Variants in SRSF12 observed in about 807,000 individuals in gnomAD.
The protein encoded by SRSF12 is serine/arginine-rich splicing factor 12.
In SRSF12, 21 loss-of-function variants were observed where a neutral mutation model predicts 34.1. The ratio of observed to expected loss-of-function variants is 0.62; its 90% CI spans 0.44 to 0.89. The LOEUF is 0.89. Among genes scored for constraint, SRSF12 ranks in the 40% least tolerant of loss-of-function variants. The pLI, the probability that SRSF12 is intolerant of heterozygous loss-of-function variation, is 0.00. For missense variants in SRSF12, 278 were observed against 327.8 expected (o/e 0.85, Z 1.17); for synonymous variants, 111 against 110.8 (o/e 1.00, Z -0.01).
In SRSF12 at chr6:89,105,324, T is replaced by G. The variant is rs572692304; in HGVS notation, c.275-64A>C. ...ACCTGAACACCACAGTAACAACCAC[T>G]CAACTAGCAATCATTTACTGAAAGA... is the stretch of plus-strand genomic sequence containing the variant. On this transcript the variant is annotated intron_variant, in intron 3 of 4. Coordinates refer to ENST00000452027, the MANE Select transcript of SRSF12 (RefSeq NM_080743.5). 4.5e-6 allele frequency: 7 copies of G among 1,566,766 alleles called. No individual in the cohort carries two copies. In the Admixed American group the frequency reaches 1.3e-4, roughly 29 times the overall value.
At chr6:89,116,777 AAAAAAAAAAAAAACT>A (rs1336935983) in intron 1 of SRSF12, among the ~76,000 whole-genome samples, 2 of 147,040 alleles carry the variant, frequency 1.4e-5, no homozygotes, top group African/African-American at 2.6e-5. Flanking sequence ...CTTTGTCTAA[AAAAAAAAAAAAAACT>A]AAAAAATAAA....
intron 1 of SRSF12, among the ~76,000 whole-genome samples, chr6:89,109,879 C>T (rs1042853310): frequency 6.6e-6 from 1 of 152,142 alleles, no homozygotes; most frequent in Admixed American, 6.5e-5. Flanking sequence ...ATTACGAGGT[C>T]AGGAGATCGA....
At chr6:89,105,354 TA>T in intron 3 of SRSF12, 72 bp downstream of exon 3, 1 of 1,561,982 alleles carries the variant, frequency 6.4e-7, no homozygotes, top group Non-Finnish European at 8.7e-7. Context: ...GAAAGAATTT[TA>T]AATTAAAAAA....
At chr6:89,113,467 C>G (rs972238829) in intron 1 of SRSF12, among the ~76,000 whole-genome samples, 11 of 151,986 alleles carry the variant, frequency 7.2e-5, no homozygotes, top group Non-Finnish European at 1.3e-4. Flanking sequence ...CCACCGCACC[C>G]AGCCCAATTT....
At chr6:89,099,036 A>G in intron 4 of SRSF12, 89 bp from the exon 5 acceptor site, 2 of 1,414,392 alleles carry the variant, frequency 1.4e-6, no homozygotes, top group Non-Finnish European at 1.9e-6. Context: ...TACTTTACAT[A>G]ACATTAGTTA....
intron 1 of SRSF12, among the ~76,000 whole-genome samples, chr6:89,108,439 G>A (rs1768893167): frequency 6.6e-6 from 1 of 152,178 alleles, no homozygotes; most frequent in Non-Finnish European, 1.5e-5. Flanking sequence ...ACCTATCTAA[G>A]CTCACTGAGC....
At chr6:89,105,022 C>T in intron 4 of SRSF12, 97 bp downstream of exon 4, 2 of 1,261,204 alleles carry the variant, frequency 1.6e-6, no homozygotes, top group Non-Finnish European at 2.1e-6. Flanking sequence ...CACACTACTG[C>T]ACTCCAGCCT....
chr6:89,102,571 T>A (rs1195424719), intron 4 of SRSF12, among the ~76,000 whole-genome samples: 1 of 152,054 alleles, frequency 6.6e-6, no homozygotes, highest in Non-Finnish European at 1.5e-5. Context: ...GAAGAAAATG[T>A]CCTTGAAAAA....
At chr6:89,115,471 G>C (rs1436395698) in intron 1 of SRSF12, among the ~76,000 whole-genome samples, 1 of 151,658 alleles carries the variant, frequency 6.6e-6, no homozygotes, top group African/African-American at 2.4e-5. Flanking sequence ...TAGTACAGAC[G>C]GGGTTTCACC....
intron 1 of SRSF12, among the ~76,000 whole-genome samples, chr6:89,112,735 C>G (rs55650046): frequency 1.3e-5 from 2 of 151,978 alleles, no homozygotes; most frequent in African/African-American, 4.8e-5. Context: ...CCATATATAG[C>G]TTTTTCCTTT....
intron 1 of SRSF12, among the ~76,000 whole-genome samples, chr6:89,116,601 C>T (rs1769304662): frequency 6.6e-6 from 1 of 151,960 alleles, no homozygotes; most frequent in South Asian, 2.1e-4. Context: ...ATAATGAAAC[C>T]TCATCTCTAC....
In SRSF12 at chr6:89,098,323, T is replaced by C. The variant is rs527730403; in HGVS notation, c.*255A>G. On this transcript the variant is annotated 3_prime_UTR_variant, in exon 5 of 5. Transcript: ENST00000452027. ...CAGTTTACTCATTTCCCTTGAAAAG[T>C]ACCCTTCTGCCACAATGTAAATAAA... 5 of 335,286 alleles carry C rather than the reference T, an allele frequency of 1.5e-5. No individual in the cohort carries two copies. In the East Asian group the frequency reaches 3.0e-4, roughly 20 times the overall value. 20.8% of individuals were successfully genotyped at this position (335,286 alleles called of 1,614,324 possible).
In SRSF12 at chr6:89,099,855, G is replaced by T. The variant is rs927265409; in HGVS notation, c.417-908C>A. Among the ~76,000 whole-genome samples the T allele has an allele frequency of 2.0e-5, 3 of 152,028 alleles. No homozygotes were observed. In the South Asian group the frequency reaches 6.2e-4, roughly 32 times the overall value. On this transcript the variant is annotated intron_variant, in intron 4 of 4. Transcript: ENST00000452027. ...CAGCCGAAAACAACTATATTGAAAA[G>T]CTACACAACATTTATAAAACAACTG...
In SRSF12 at chr6:89,100,522, TAAA is replaced by T. The variant is rs35086229; in HGVS notation, c.417-1578_417-1576del. 2.3e-3 allele frequency among the ~76,000 whole-genome samples: 329 copies of T among 144,682 alleles called. 1 individual carries two copies. The highest frequency in any genetic ancestry group is 6.5e-3 in the African/African-American group (259 of 39,636). 94.9% of individuals were successfully genotyped at this position (144,682 alleles called of 152,430 possible). On this transcript the variant is annotated intron_variant, in intron 4 of 4. Transcript: ENST00000452027. Reference sequence around the variant, plus strand: ...TTTTGTCCATGTCCACATGTTATGTTAAAAAAAAAAAAAACAGGCAAGAATAAC... The same window carrying T: ...TTTTGTCCATGTCCACATGTTATGTTAAAAAAAAAAACAGGCAAGAATAAC...
chr6:89,099,593 T>C (rs1768444292), intron 4 of SRSF12, among the ~76,000 whole-genome samples: 1 of 147,524 alleles, frequency 6.8e-6, no homozygotes, highest in South Asian at 2.1e-4. Context: ...TAGAGTGCAA[T>C]GGCACGATCT....
rs201333234 is a variant in SRSF12, at chr6:89,103,518, G to GA, written c.416+1600_416+1601insT. Among the ~76,000 whole-genome samples the GA allele has an allele frequency of 7.9e-3, 1,200 of 152,100 alleles. 14 individuals are homozygous for GA. The highest frequency in any genetic ancestry group is 0.028 in the African/African-American group (1,143 of 41,494). On this transcript the variant is annotated intron_variant, in intron 4 of 4. Transcript: ENST00000452027. ...TAATTTTTGTATTTTTAGTAGACAC[G>GA]GGGTTTCGCCATGTTGGCCAGACTG...
chr6:89,098,854 T>C lies in SRSF12; in HGVS notation c.510A>G (p.Pro170=). The part of the protein sequence containing the change: ...RSTSARQSRT[P]RRNFGSRGRS... ...GTCCTCTAGAGCCAAAATTCCTTCT[T>C]GGAGTTCTTGACTGCCTTGCTGAGG... Residue 170 remains proline, a synonymous_variant, in exon 5 of 5, where the codon CCA becomes CCG. Transcript: ENST00000452027. 1 of 1,613,990 alleles carries C rather than the reference T, an allele frequency of 6.2e-7. No homozygotes were observed. Among genetic ancestry groups the C allele is most frequent in the Non-Finnish European group, 8.5e-7 (1 of 1,179,888 alleles).
Position 89,117,017 on chromosome 6 carries a change from A to G in SRSF12, c.65+806T>C, listed in dbSNP as rs141682330. On this transcript the variant is annotated intron_variant, in intron 1 of 4. Transcript: ENST00000452027. Reference sequence around the variant, plus strand: ...GAAGCCCAGTGAAATGAGAATGTCTATTAACACCGTTCCCTCTCCCCCCGC... The same window carrying G: ...GAAGCCCAGTGAAATGAGAATGTCTGTTAACACCGTTCCCTCTCCCCCCGC... Among the ~76,000 whole-genome samples the G allele has an allele frequency of 2.9e-4, 44 of 152,138 alleles. 1 individual carries two copies. Among genetic ancestry groups the G allele is most frequent in the African/African-American group, 1.0e-3 (43 of 41,500 alleles).
At position 89,117,858 on chromosome 6, in the gene SRSF12, G is replaced by A. The variant is rs1769389123; in HGVS notation, c.30C>T (p.Thr10=). The part of the protein sequence containing the change: MSRYTRPPN[T]SLFIRNVADA... Reference sequence around the variant, plus strand: ...CCGCGACGTTCCTGATGAACAGGGAGGTGTTGGGGGGCCTCGTGTAGCGAG... The same window carrying A: ...CCGCGACGTTCCTGATGAACAGGGAAGTGTTGGGGGGCCTCGTGTAGCGAG... Residue 10 remains threonine (T), a synonymous_variant, in exon 1 of 5, where the codon ACC becomes ACT. Transcript: ENST00000452027. 1.3e-6 allele frequency: 2 copies of A among 1,562,286 alleles called. No homozygotes were observed. The highest frequency in any genetic ancestry group is 2.6e-5 in the East Asian group (1 of 37,926).
Sources: gnomAD v4.1 joint callset for allele counts (sites outside exome capture counted in the v4.1 genomes callset) on GRCh38, gnomAD v4.1.1 for gene constraint, MANE v1.5 for transcripts, NCBI Gene and HGNC (gene_info 2026-07-23, HGNC 2026-07-21) for gene names.